Variants in AGBL4 observed in about 807,000 individuals in gnomAD.
AGBL4 encodes the protein AGBL carboxypeptidase 4, also known as cytosolic carboxypeptidase 6.
In AGBL4, 58 loss-of-function variants were observed where a neutral mutation model predicts 66.4. The observed-to-expected ratio is 0.87, with a 90% CI of 0.71 to 1.09. The LOEUF is 1.09. AGBL4 is among the 50% of genes least tolerant of loss of function. The pLI is 0.00. For missense variants in AGBL4, 579 were observed against 631.0 expected (o/e 0.92, Z 0.88); for synonymous variants, 234 against 222.9 (o/e 1.05, Z -0.44).
chr1:49,480,761 T>A (rs906301775), intron 3 of AGBL4, among the ~76,000 whole-genome samples: 5 of 152,124 alleles, frequency 3.3e-5, no homozygotes, highest in African/African-American at 1.2e-4. Flanking sequence ...AAGGTTTTTA[T>A]AGTTCTGGGT....
At chr1:48,858,783 C>T (rs1276379095) in intron 6 of AGBL4, among the ~76,000 whole-genome samples, 1 of 151,922 alleles carries the variant, frequency 6.6e-6, no homozygotes, top group Non-Finnish European at 1.5e-5. Flanking sequence ...TGTAAATATG[C>T]TGAAAACCAC....
At chr1:49,678,110 T>A (rs1486672749) in intron 3 of AGBL4, among the ~76,000 whole-genome samples, 3 of 152,162 alleles carry the variant, frequency 2.0e-5, no homozygotes, top group African/African-American at 7.2e-5. Context: ...ACGTTTTTAT[T>A]TTTCTAAACT....
chr1:48,579,775 G>A lies in AGBL4; in HGVS notation c.1267+7229C>T, dbSNP rs889067310. 1.7e-4 allele frequency among the ~76,000 whole-genome samples: 26 copies of A among 150,208 alleles called. 1 individual carries two copies. Among genetic ancestry groups the A allele is most frequent in the African/African-American group, 3.7e-4 (15 of 41,070 alleles). On this transcript the variant is annotated intron_variant, in intron 11 of 13. Transcript: ENST00000371839. ...AATACAAAAAAAAAAAAAATTAGCC[G>A]GGCACGGTGGCGGGCGCCTGTAGTC...
At chr1:48,793,003 C>A (rs1429233042) in intron 6 of AGBL4, among the ~76,000 whole-genome samples, 1 of 152,174 alleles carries the variant, frequency 6.6e-6, no homozygotes, top group African/African-American at 2.4e-5. Context: ...TGTAGCCCAG[C>A]TAAAAGTCTC....
chr1:48,651,790 G>T (rs1645934676), intron 8 of AGBL4, among the ~76,000 whole-genome samples: 2 of 152,214 alleles, frequency 1.3e-5, no homozygotes, highest in Admixed American at 1.3e-4. Flanking sequence ...CTGGCTGGCT[G>T]TCAGGAGATC....
chr1:49,614,250 T>A lies in AGBL4; in HGVS notation c.282+83063A>T, dbSNP rs560863070. Among the ~76,000 whole-genome samples the A allele has an allele frequency of 3.3e-5, 5 of 152,306 alleles. No homozygotes were observed. In the South Asian group the frequency reaches 8.3e-4, roughly 25 times the overall value. On this transcript the variant is annotated intron_variant, in intron 3 of 13. Coordinates refer to ENST00000371839, the MANE Select transcript of AGBL4 (RefSeq NM_032785.4). ...CCAAGGATAACCACTATCCTGAATT[T>A]TAATACTATAGACTAGTTTTGTTGT...
intron 1 of AGBL4, among the ~76,000 whole-genome samples, chr1:49,985,492 A>G (rs1181385514): frequency 3.3e-5 from 5 of 152,176 alleles, no homozygotes; most frequent in Non-Finnish European, 5.9e-5. Context: ...AATCACAAGT[A>G]TAGACTTTCA....
intron 3 of AGBL4, among the ~76,000 whole-genome samples, chr1:49,281,777 G>A (rs1192023185): frequency 6.6e-6 from 1 of 152,214 alleles, no homozygotes; most frequent in Non-Finnish European, 1.5e-5. Flanking sequence ...CTTCTGCGCT[G>A]CTGAACAAAT....
intron 2 of AGBL4, among the ~76,000 whole-genome samples, chr1:49,737,445 CAG>C (rs1278922697): frequency 2.0e-5 from 3 of 152,118 alleles, no homozygotes; most frequent in African/African-American, 7.2e-5. Context: ...AAACCAAAAA[CAG>C]TATTTTTCAC....
At chr1:49,275,239 T>C (rs1333589884) in intron 3 of AGBL4, among the ~76,000 whole-genome samples, 1 of 152,218 alleles carries the variant, frequency 6.6e-6, no homozygotes, top group Admixed American at 6.5e-5. Context: ...TGATGTCTTA[T>C]CTACATGGTT....
intron 4 of AGBL4, among the ~76,000 whole-genome samples, chr1:49,086,798 C>G (rs1334788152): frequency 6.6e-6 from 1 of 152,040 alleles, no homozygotes; most frequent in Non-Finnish European, 1.5e-5. Flanking sequence ...AGGAAGAACT[C>G]AGACAGCAGA....
chr1:48,842,633 G>A lies in AGBL4; in HGVS notation c.634+24558C>T, dbSNP rs554652067. Among the ~76,000 whole-genome samples the A allele has an allele frequency of 3.3e-5, 5 of 152,234 alleles. No individual in the cohort carries two copies. In the South Asian group the frequency reaches 6.2e-4, roughly 19 times the overall value. ...TGGTGGTTCCTCAGAAAATTAAAAC[G>A]AACTGCTGTATGATCCGGCAATCCT... On this transcript the variant is annotated intron_variant, in intron 6 of 13. Transcript: ENST00000371839.
In AGBL4 at chr1:49,433,040, C is replaced by T. The variant is rs1440375402; in HGVS notation, c.283-187176G>A. ...CAAAGGGACTTGGTTCTAGGGCTGACCAAGTGGAGGTTCCTGGAGGGTGGT... is the reference window on the plus strand; with the variant it reads ...CAAAGGGACTTGGTTCTAGGGCTGATCAAGTGGAGGTTCCTGGAGGGTGGT... On this transcript the variant is annotated intron_variant, in intron 3 of 13. Transcript: ENST00000371839. Among the ~76,000 whole-genome samples the T allele has an allele frequency of 3.3e-5, 5 of 152,144 alleles. 1 individual carries two copies. The highest frequency in any genetic ancestry group is 1.3e-4 in the Admixed American group (2 of 15,272).
At chr1:48,954,256 C>G (rs566035753) in intron 5 of AGBL4, among the ~76,000 whole-genome samples, 1 of 152,302 alleles carries the variant, frequency 6.6e-6, no homozygotes, top group South Asian at 2.1e-4. Context: ...TTCCCTCATC[C>G]CAGATAAGAC....
chr1:49,541,258 G>A (rs529001605), intron 3 of AGBL4, among the ~76,000 whole-genome samples: 34 of 152,300 alleles, frequency 2.2e-4, no homozygotes, highest in Admixed American at 8.5e-4. Context: ...TCAGCCCGCC[G>A]CTGCACTATG....
At chr1:49,681,211 G>C (rs1165124063) in intron 3 of AGBL4, among the ~76,000 whole-genome samples, 3 of 152,160 alleles carry the variant, frequency 2.0e-5, no homozygotes, top group African/African-American at 7.2e-5. Flanking sequence ...GTTGGTGTCT[G>C]TTGGTTATCT....
intron 1 of AGBL4, among the ~76,000 whole-genome samples, chr1:49,940,623 T>G (rs1327118871): frequency 3.3e-5 from 5 of 152,058 alleles, no homozygotes. Flanking sequence ...ACACCGCATG[T>G]TCTCACTCAT....
chr1:49,104,932 G>A (rs1001651817), intron 4 of AGBL4, among the ~76,000 whole-genome samples: 1 of 152,250 alleles, frequency 6.6e-6, no homozygotes, highest in African/African-American at 2.4e-5. Context: ...CTAGAGCTGG[G>A]AGATATCACA....
rs1043611271 is a variant in AGBL4, at chr1:49,782,656, T to A, written c.157+68740A>T. Among the ~76,000 whole-genome samples, 10 of 152,218 alleles carry A rather than the reference T, an allele frequency of 6.6e-5. No individual in the cohort carries two copies. The South Asian group carries it at 8.3e-4, about 13-fold the overall frequency. On this transcript the variant is annotated intron_variant, in intron 2 of 13. Transcript: ENST00000371839. ...CAATGCACAGTGTTGGTAAGTGGGG[T>A]CTAATGAGAGGTAATTAGGCCAAGA...
Sources: allele counts gnomAD v4.1 joint callset (sites outside exome capture counted in the v4.1 genomes callset), GRCh38; gene constraint gnomAD v4.1.1; transcripts MANE v1.5; gene names NCBI Gene and HGNC (gene_info 2026-07-23, HGNC 2026-07-21).